GPD2: variants seen among roughly 807,000 people sequenced by gnomAD.
GPD2 encodes the protein glycerol-3-phosphate dehydrogenase, mitochondrial.
A neutral mutation model predicts 82.4 loss-of-function variants in GPD2; 54 were observed. That is an observed-to-expected ratio of 0.66 (90% CI 0.53 to 0.82). The LOEUF is 0.82. GPD2 is among the 40% of genes least tolerant of loss of function. The pLI is 0.00. For synonymous variants in GPD2, 288 were observed against 306.1 expected, an observed-to-expected ratio of 0.94 and a Z score of 0.62; for missense variants, 748 against 896.2, an observed-to-expected ratio of 0.83 and a Z score of 2.11.
chr2:156,523,712 A>G (rs533465933), intron 6 of GPD2, among the ~76,000 whole-genome samples: 1 of 150,800 alleles, frequency 6.6e-6, no homozygotes, highest in African/African-American at 2.5e-5. Flanking sequence ...ATAGATAGAT[A>G]GATAGATATT....
intron 2 of GPD2, among the ~76,000 whole-genome samples, chr2:156,486,543 A>G (rs973839252): frequency 9.9e-5 from 15 of 152,228 alleles, no homozygotes; most frequent in African/African-American, 1.7e-4. Context: ...GAAACTTTCT[A>G]TAAATGCTTT....
intron 3 of GPD2, among the ~76,000 whole-genome samples, chr2:156,500,325 G>T (rs1352999017): frequency 6.6e-6 from 1 of 152,050 alleles, no homozygotes; most frequent in Non-Finnish European, 1.5e-5. Context: ...ATGGCTGAAG[G>T]TAATCTATAT....
chr2:156,437,202 G>A (rs923774832), intron 1 of GPD2, among the ~76,000 whole-genome samples: 4 of 152,176 alleles, frequency 2.6e-5, no homozygotes, highest in African/African-American at 2.4e-5. Context: ...TATCATAGGA[G>A]GCAGCTATAG....
intron 12 of GPD2, 149 bp downstream of exon 12, chr2:156,570,367 C>T (rs1687570264): frequency 1.5e-6 from 1 of 656,772 alleles, no homozygotes; most frequent in Admixed American, 2.5e-5. Context: ...AATATAGATC[C>T]TTTTATTTAT....
At chr2:156,569,114 C>A (rs1687508454) in intron 10 of GPD2, among the ~76,000 whole-genome samples, 155 bp downstream of exon 10, 1 of 151,662 alleles carries the variant, frequency 6.6e-6, no homozygotes, top group Non-Finnish European at 1.5e-5. Flanking sequence ...CAGGCATGAG[C>A]CACTACACCT....
rs535144184 is a variant in GPD2, at chr2:156,470,265, G to T, written c.-8-5833G>T. ...GCTGGAGTGCAGTGGTATGATCATG[G>T]CTCATTGAAGCCTTGACCTCCTGGG... On this transcript the variant is annotated intron_variant, in intron 1 of 16. Coordinates refer to ENST00000438166, the MANE Select transcript of GPD2 (RefSeq NM_000408.5). Among the ~76,000 whole-genome samples the T allele has an allele frequency of 1.2e-3, 185 of 152,038 alleles. 1 individual carries two copies. The highest frequency in any genetic ancestry group is 4.1e-3 in the African/African-American group (172 of 41,470).
the GPD2 span, among the ~76,000 whole-genome samples, chr2:156,412,453 A>AAT: frequency 6.6e-6 from 1 of 150,840 alleles, no homozygotes; most frequent in Non-Finnish European, 1.5e-5. Flanking sequence ...AAAAAAAAAA[A>AAT]TACAGGATTT....
chr2:156,418,077 T>C, the GPD2 span, among the ~76,000 whole-genome samples: 6 of 151,968 alleles, frequency 3.9e-5, no homozygotes, highest in Non-Finnish European at 8.8e-5. Context: ...TAGCTGGGCA[T>C]GGTGGCACGT....
chr2:156,549,914 A>C, intron 7 of GPD2, 142 bp downstream of exon 7: 1 of 769,620 alleles, frequency 1.3e-6, no homozygotes, highest in Non-Finnish European at 2.2e-6. Context: ...ATTGTCAGCA[A>C]TGACTGGTTT....
At chr2:156,487,703 C>G (rs935465209) in intron 2 of GPD2, among the ~76,000 whole-genome samples, 1 of 152,134 alleles carries the variant, frequency 6.6e-6, no homozygotes. Context: ...ACTAATGGTT[C>G]TATTTCTTCT....
At chr2:156,437,230 C>G (rs1356224000) in intron 1 of GPD2, among the ~76,000 whole-genome samples, 1 of 152,210 alleles carries the variant, frequency 6.6e-6, no homozygotes, top group African/African-American at 2.4e-5. Flanking sequence ...AGCTAGTCAA[C>G]TTATACTTGT....
At chr2:156,429,510 T>A in the GPD2 span, among the ~76,000 whole-genome samples, 1 of 152,234 alleles carries the variant, frequency 6.6e-6, no homozygotes, top group African/African-American at 2.4e-5. Flanking sequence ...GGATTCCTGT[T>A]TAGGGAAGGA....
upstream of GPD2, among the ~76,000 whole-genome samples, chr2:156,434,967 T>C (rs1573863235): frequency 6.6e-6 from 1 of 152,292 alleles, no homozygotes; most frequent in East Asian, 1.9e-4. Flanking sequence ...ACTGACTCAT[T>C]GGACTTGGGG....
At chr2:156,449,611 G>A (rs1005566500) in intron 1 of GPD2, among the ~76,000 whole-genome samples, 1 of 152,054 alleles carries the variant, frequency 6.6e-6, no homozygotes, top group Non-Finnish European at 1.5e-5. Context: ...CAAAGATTAT[G>A]CTGGCTGCTA....
intron 3 of GPD2, among the ~76,000 whole-genome samples, chr2:156,501,401 G>A (rs1362008147): frequency 6.6e-6 from 1 of 152,198 alleles, no homozygotes; most frequent in Non-Finnish European, 1.5e-5. Context: ...CTTGGGTCAT[G>A]TCTTGGCTTC....
At chr2:156,525,461 C>G (rs922888896) in intron 6 of GPD2, among the ~76,000 whole-genome samples, 1 of 152,152 alleles carries the variant, frequency 6.6e-6, no homozygotes, top group Admixed American at 6.6e-5. Context: ...AATCTATTTG[C>G]TATGAAGGTT....
intron 1 of GPD2, among the ~76,000 whole-genome samples, chr2:156,439,849 A>AAAAAAAAT (rs138136386): frequency 6.8e-6 from 1 of 147,544 alleles, no homozygotes; most frequent in Non-Finnish European, 1.5e-5. Context: ...TCTGTCTCAA[A>AAAAAAAAT]AAATAAATAA....
At chr2:156,461,666 C>T (rs952006477) in intron 1 of GPD2, among the ~76,000 whole-genome samples, 9 of 152,266 alleles carry the variant, frequency 5.9e-5, no homozygotes, top group Admixed American at 5.9e-4. Flanking sequence ...AGGCATGAGC[C>T]ATCATGTCCA....
At chr2:156,470,698 G>A (rs1438997735) in intron 1 of GPD2, among the ~76,000 whole-genome samples, 2 of 152,136 alleles carry the variant, frequency 1.3e-5, no homozygotes, top group Non-Finnish European at 2.9e-5. Context: ...AGTGGTGGAT[G>A]CACTCAGGGA....
Sources: gnomAD v4.1 joint callset for allele counts (sites outside exome capture counted in the v4.1 genomes callset) on GRCh38, gnomAD v4.1.1 for gene constraint, MANE v1.5 for transcripts, NCBI Gene and HGNC (gene_info 2026-07-23, HGNC 2026-07-21) for gene names.